Variants in CTNNA3 observed in about 807,000 individuals in gnomAD.
The protein encoded by CTNNA3 is catenin alpha 3.
In CTNNA3, 76 loss-of-function variants were observed where a neutral mutation model predicts 95.7. That is an observed-to-expected ratio of 0.79 (90% CI 0.66 to 0.96). CTNNA3 has a LOEUF of 0.96. Among genes scored for constraint, CTNNA3 ranks in the 40% least tolerant of loss-of-function variants. The probability of loss-of-function intolerance (pLI) is 0.00; values close to 1 mark genes in which losing one functional copy is unlikely to be tolerated. For missense variants in CTNNA3, 1,191 were observed against 1,089.8 expected (o/e 1.09, Z -1.31); for synonymous variants, 431 against 374.4 (o/e 1.15, Z -1.74).
intron 9 of CTNNA3, among the ~76,000 whole-genome samples, chr10:66,754,413 G>A (rs1213799157): frequency 6.6e-6 from 1 of 152,042 alleles, no homozygotes; most frequent in Non-Finnish European, 1.5e-5. Context: ...TAAAACTCAT[G>A]GAAGAAAATA....
intron 1 of CTNNA3, among the ~76,000 whole-genome samples, chr10:67,673,698 C>G (rs546159520): frequency 2.8e-4 from 42 of 148,962 alleles, no homozygotes; most frequent in Admixed American, 1.0e-3. Flanking sequence ...GCCTTGCATC[C>G]CAGGGATGAA....
At chr10:66,156,687 G>A (rs1182574504) in intron 13 of CTNNA3, among the ~76,000 whole-genome samples, 1 of 151,892 alleles carries the variant, frequency 6.6e-6, no homozygotes, top group Non-Finnish European at 1.5e-5. Context: ...TATGGCATTG[G>A]GAGTGGTCTT....
chr10:66,974,953 T>A (rs1284356849), intron 7 of CTNNA3, among the ~76,000 whole-genome samples: 1 of 152,088 alleles, frequency 6.6e-6, no homozygotes, highest in African/African-American at 2.4e-5. Context: ...AAGCTCTGAG[T>A]CAAGAATAGG....
intron 13 of CTNNA3, among the ~76,000 whole-genome samples, chr10:66,146,047 T>G (rs2133892943): frequency 6.6e-6 from 1 of 152,164 alleles, no homozygotes; most frequent in African/African-American, 2.4e-5. Context: ...AGAGACAGGG[T>G]TTTACCATGT....
At chr10:66,337,758 A>C (rs1170164641) in intron 12 of CTNNA3, among the ~76,000 whole-genome samples, 1 of 152,146 alleles carries the variant, frequency 6.6e-6, no homozygotes, top group African/African-American at 2.4e-5. Context: ...ATAAATATGA[A>C]CAAGAATGTA....
At chr10:66,768,181 TC>T (rs1467430981) in intron 8 of CTNNA3, among the ~76,000 whole-genome samples, 1 of 152,208 alleles carries the variant, frequency 6.6e-6, no homozygotes, top group Non-Finnish European at 1.5e-5. Context: ...TTAATGATTA[TC>T]CTCCCCTTTA....
intron 10 of CTNNA3, among the ~76,000 whole-genome samples, chr10:66,536,157 G>GAGAGAC (rs1841647730): frequency 6.6e-6 from 1 of 151,166 alleles, no homozygotes; most frequent in Non-Finnish European, 1.5e-5. Context: ...GAGAGAGAGA[G>GAGAGAC]AGAGACAGAG....
At chr10:66,832,305 T>C (rs1447537162) in intron 7 of CTNNA3, among the ~76,000 whole-genome samples, 1 of 152,148 alleles carries the variant, frequency 6.6e-6, no homozygotes, top group Non-Finnish European at 1.5e-5. Context: ...CTCATGTAGA[T>C]ATCTAAGATC....
At chr10:67,700,888 G>C (rs1005895782), upstream of CTNNA3, among the ~76,000 whole-genome samples, 1 of 152,214 alleles carries the variant, frequency 6.6e-6, no homozygotes, top group African/African-American at 2.4e-5. Flanking sequence ...AAAAAATTTA[G>C]ACGAATATAT....
chr10:66,021,851 G>GTTTTTTTTTTTTTTTTTTTTTTTT (rs1564583857), intron 15 of CTNNA3, among the ~76,000 whole-genome samples: 11 of 41,662 alleles, frequency 2.6e-4, no homozygotes, highest in Non-Finnish European at 4.3e-4. Context: ...CAGGATCTTG[G>GTTTTTTTTTTTTTTTTTTTTTTTT]CTTTTTTTTT....
At chr10:66,759,250 C>T (rs1204383167) in intron 9 of CTNNA3, among the ~76,000 whole-genome samples, 3 of 152,134 alleles carry the variant, frequency 2.0e-5, no homozygotes, top group Non-Finnish European at 2.9e-5. Flanking sequence ...GATGTCCACA[C>T]TGTGTGGCAT....
chr10:67,147,836 T>C (rs1381358909), intron 7 of CTNNA3, among the ~76,000 whole-genome samples: 1 of 152,224 alleles, frequency 6.6e-6, no homozygotes, highest in Non-Finnish European at 1.5e-5. Flanking sequence ...TTTGCTAATA[T>C]TGAAGCTGTA....
At chr10:66,109,168 T>C (rs1360551573) in intron 13 of CTNNA3, among the ~76,000 whole-genome samples, 1 of 152,158 alleles carries the variant, frequency 6.6e-6, no homozygotes, top group East Asian at 1.9e-4. Flanking sequence ...AAACTTGTCA[T>C]GGAAACAGTG....
intron 9 of CTNNA3, among the ~76,000 whole-genome samples, chr10:66,634,345 T>C (rs920106717): frequency 3.3e-5 from 5 of 151,908 alleles, no homozygotes; most frequent in African/African-American, 1.2e-4. Context: ...AAGCAGAAAA[T>C]AGTTTTCATG....
At chr10:66,587,190 C>T (rs76777384) in intron 10 of CTNNA3, among the ~76,000 whole-genome samples, 1 of 152,172 alleles carries the variant, frequency 6.6e-6, no homozygotes, top group Non-Finnish European at 1.5e-5. Flanking sequence ...CATAGACAGA[C>T]TCAAGACGTC....
rs1182816414 is a variant in CTNNA3 at position 65,972,909 on chromosome 10, A to AGGG, written c.2266-6164_2266-6163insCCC. 2.8e-3 allele frequency among the ~76,000 whole-genome samples: 418 copies of AGGG among 150,796 alleles called. 3 individuals carry two copies. Among genetic ancestry groups the AGGG allele is most frequent in the African/African-American group, 8.7e-3 (356 of 40,866 alleles). ...AGACAAGCAATCCTAAGGGGGAAAA[A>AGGG]AAAAAAAAAAAAAGAAGCCAGAGGC... is the stretch of plus-strand genomic sequence containing the variant. On this transcript the variant is annotated intron_variant, in intron 16 of 17. Transcript: ENST00000433211.
chr10:66,935,589 A>G (rs1449071111), intron 7 of CTNNA3, among the ~76,000 whole-genome samples: 13 of 151,962 alleles, frequency 8.6e-5, no homozygotes, highest in Admixed American at 8.5e-4. Context: ...TTACATACGT[A>G]TTTGTATTTC....
At chr10:67,161,866 A>T in intron 7 of CTNNA3, among the ~76,000 whole-genome samples, 1 of 152,156 alleles carries the variant, frequency 6.6e-6, no homozygotes, top group East Asian at 1.9e-4. Context: ...ACATTAATCA[A>T]AAGAAAGTAG....
At chr10:66,137,364 T>C (rs1169747655) in intron 13 of CTNNA3, among the ~76,000 whole-genome samples, 1 of 152,002 alleles carries the variant, frequency 6.6e-6, no homozygotes, top group Non-Finnish European at 1.5e-5. Flanking sequence ...ATCTTCAAAA[T>C]TATAAATGTC....
Sources: gnomAD v4.1 joint callset for allele counts (sites outside exome capture counted in the v4.1 genomes callset) on GRCh38, gnomAD v4.1.1 for gene constraint, MANE v1.5 for transcripts, NCBI Gene and HGNC (gene_info 2026-07-23, HGNC 2026-07-21) for gene names.